Variants in CSMD1 observed in about 807,000 individuals in gnomAD.
CSMD1 encodes CUB and Sushi multiple domains 1.
CSMD1 carries 213 observed loss-of-function variants against 417.5 expected under a neutral mutation model. That is an observed-to-expected ratio of 0.51 (90% CI 0.46 to 0.57). CSMD1 has a LOEUF of 0.57. Among genes scored for constraint, CSMD1 ranks in the 20% least tolerant of loss-of-function variants. The probability of loss-of-function intolerance (pLI) is 0.00; values close to 1 mark genes in which losing one functional copy is unlikely to be tolerated. For missense variants in CSMD1, 6,923 were observed against 4,529.7 expected (o/e 1.53, Z -15.17); for synonymous variants, 2,862 against 1,736.8 (o/e 1.65, Z -16.11).
intron 1 of CSMD1, among the ~76,000 whole-genome samples, chr8:4,763,486 C>G (rs1812251100): frequency 6.6e-6 from 1 of 152,084 alleles, no homozygotes. Flanking sequence ...CATAATCATT[C>G]AATAATTTAT....
intron 1 of CSMD1, among the ~76,000 whole-genome samples, chr8:4,651,936 T>A (rs191394881): frequency 1.3e-5 from 2 of 152,142 alleles, no homozygotes; most frequent in African/African-American, 4.8e-5. Context: ...AGAGACCTGA[T>A]AGGGAGAACT....
At chr8:4,776,557 G>A (rs756239399) in intron 1 of CSMD1, among the ~76,000 whole-genome samples, 1 of 152,040 alleles carries the variant, frequency 6.6e-6, no homozygotes, top group South Asian at 2.1e-4. Context: ...ATTCCACTAC[G>A]GGCTGCATTG....
intron 1 of CSMD1, among the ~76,000 whole-genome samples, chr8:4,791,925 G>C (rs1020795311): frequency 1.3e-5 from 2 of 150,046 alleles, no homozygotes; most frequent in African/African-American, 5.0e-5. Context: ...GATTAATTTA[G>C]TTTCTTTATG....
intron 2 of CSMD1, among the ~76,000 whole-genome samples, chr8:4,427,053 C>G (rs1005260366): frequency 6.6e-6 from 1 of 151,866 alleles, no homozygotes; most frequent in African/African-American, 2.4e-5. Flanking sequence ...ACGGAACAGC[C>G]CCAGAGAGCT....
chr8:3,593,840 CTCTT>C (rs923707820), intron 8 of CSMD1, among the ~76,000 whole-genome samples: 1 of 152,152 alleles, frequency 6.6e-6, no homozygotes, highest in African/African-American at 2.4e-5. Context: ...ATCTCCCTCT[CTCTT>C]TCTCTATTTT....
intron 3 of CSMD1, among the ~76,000 whole-genome samples, chr8:4,321,334 C>A (rs538156217): frequency 1.3e-5 from 2 of 151,996 alleles, no homozygotes; most frequent in Admixed American, 1.3e-4. Context: ...AATGGCCATA[C>A]GTCTTCTCTC....
chr8:4,463,406 C>G (rs1044311614), intron 2 of CSMD1, among the ~76,000 whole-genome samples: 1 of 152,140 alleles, frequency 6.6e-6, no homozygotes, highest in Non-Finnish European at 1.5e-5. Context: ...TATGAACCAG[C>G]AAATCCACAG....
intron 7 of CSMD1, among the ~76,000 whole-genome samples, chr8:3,643,059 G>C (rs1797385354): frequency 6.6e-6 from 1 of 152,082 alleles, no homozygotes; most frequent in Admixed American, 6.5e-5. Flanking sequence ...GTGCATGTGA[G>C]TGTCGACGGC....
At chr8:4,278,713 G>C (rs1272378560) in intron 3 of CSMD1, among the ~76,000 whole-genome samples, 1 of 152,174 alleles carries the variant, frequency 6.6e-6, no homozygotes, top group Non-Finnish European at 1.5e-5. Flanking sequence ...AAACCAGCTT[G>C]TAACTTGCTG....
At chr8:3,704,820 C>A (rs78025127) in intron 7 of CSMD1, 1 of 152,280 alleles carries the variant, frequency 6.6e-6, no homozygotes, top group South Asian at 2.1e-4. Flanking sequence ...TGATCTCTCT[C>A]TTTTTCTTCC....
chr8:4,031,446 T>C lies in CSMD1; in HGVS notation c.610+459A>G, dbSNP rs190960186. On this transcript the variant is annotated intron_variant, in intron 4 of 69. Transcript: ENST00000635120. ...AAACCATCAGATCTCATAAGACTTA[T>C]GTGCTATGATGAGAACGGCACAGGA... Among the ~76,000 whole-genome samples the C allele has an allele frequency of 1.8e-3, 268 of 152,256 alleles. 1 individual carries two copies. Among genetic ancestry groups the C allele is most frequent in the African/African-American group, 6.3e-3 (260 of 41,550 alleles).
chr8:3,711,183 A>T (rs1037952716), intron 6 of CSMD1, among the ~76,000 whole-genome samples: 19 of 152,176 alleles, frequency 1.2e-4, no homozygotes, highest in African/African-American at 3.9e-4. Flanking sequence ...GGAACATACA[A>T]ACTTTGAGGA....
At chr8:4,822,556 G>A (rs774745420) in intron 1 of CSMD1, among the ~76,000 whole-genome samples, 3 of 151,948 alleles carry the variant, frequency 2.0e-5, no homozygotes, top group South Asian at 2.1e-4. Flanking sequence ...TAAACTATGT[G>A]CAGGAAAAAT....
At chr8:3,955,346 C>G (rs1235222369) in intron 5 of CSMD1, among the ~76,000 whole-genome samples, 1 of 152,298 alleles carries the variant, frequency 6.6e-6, no homozygotes, top group African/African-American at 2.4e-5. Context: ...GCCACAGAAA[C>G]AAAAACCATA....
At chr8:4,088,742 G>C (rs1200204554) in intron 3 of CSMD1, among the ~76,000 whole-genome samples, 1 of 151,954 alleles carries the variant, frequency 6.6e-6, no homozygotes, top group Non-Finnish European at 1.5e-5. Context: ...TCTAAGGTGA[G>C]ATCCCACCAC....
chr8:4,355,682 G>A (rs768272227), intron 3 of CSMD1, among the ~76,000 whole-genome samples: 1 of 152,140 alleles, frequency 6.6e-6, no homozygotes, highest in African/African-American at 2.4e-5. Context: ...AGCCTACAGA[G>A]TTTCCTACCA....
chr8:4,721,617 A>G (rs1353149763), intron 1 of CSMD1, among the ~76,000 whole-genome samples: 1 of 152,216 alleles, frequency 6.6e-6, no homozygotes, highest in Admixed American at 6.5e-5. Flanking sequence ...GTGAATATAG[A>G]TTGGTATAGC....
chr8:4,240,348 G>A (rs1414717596), intron 3 of CSMD1, among the ~76,000 whole-genome samples: 1 of 152,162 alleles, frequency 6.6e-6, no homozygotes, highest in Non-Finnish European at 1.5e-5. Context: ...TGCTAAAAAG[G>A]AAACTCCTGC....
At chr8:4,315,460 AT>A (rs915392495) in intron 3 of CSMD1, among the ~76,000 whole-genome samples, 4 of 152,300 alleles carry the variant, frequency 2.6e-5, no homozygotes, top group Non-Finnish European at 2.9e-5. Context: ...TGCAAAAAAA[AT>A]ATTCCAAGGC....
Sources: allele counts gnomAD v4.1 joint callset (sites outside exome capture counted in the v4.1 genomes callset), GRCh38; gene constraint gnomAD v4.1.1; transcripts MANE v1.5; gene names NCBI Gene and HGNC (gene_info 2026-07-23, HGNC 2026-07-21).